MARCHF1: variants seen among roughly 807,000 people sequenced by gnomAD.
MARCHF1 encodes E3 ubiquitin-protein ligase MARCHF1.
A neutral mutation model predicts 54.2 loss-of-function variants in MARCHF1; 40 were observed. The ratio of observed to expected loss-of-function variants is 0.74; its 90% CI spans 0.57 to 0.96. MARCHF1 has a LOEUF of 0.96. Among genes scored for constraint, MARCHF1 ranks in the 40% least tolerant of loss-of-function variants. The pLI, the probability that MARCHF1 is intolerant of heterozygous loss-of-function variation, is 0.00. For synonymous variants in MARCHF1, 236 were observed against 236.3 expected (o/e 1.00, Z 0.01); for missense variants, 586 against 656.5 (o/e 0.89, Z 1.17).
chr4:163,582,108 A>T (rs1379401961), intron 8 of MARCHF1, among the ~76,000 whole-genome samples: 1 of 152,190 alleles, frequency 6.6e-6, no homozygotes, highest in Non-Finnish European at 1.5e-5. Flanking sequence ...AACTCCATGC[A>T]ATTCTTCAGC....
At chr4:164,281,468 T>C (rs1353459710) in intron 1 of MARCHF1, among the ~76,000 whole-genome samples, 3 of 152,112 alleles carry the variant, frequency 2.0e-5, no homozygotes, top group Non-Finnish European at 4.4e-5. Context: ...GGGGGGCTGA[T>C]GTTAGTTAAA....
chr4:163,546,111 C>A (rs1738897525), intron 8 of MARCHF1, among the ~76,000 whole-genome samples: 1 of 151,954 alleles, frequency 6.6e-6, no homozygotes, highest in Non-Finnish European at 1.5e-5. Flanking sequence ...GTAGCTGGGA[C>A]TATGGGTATG....
chr4:163,727,611 TA>T (rs1208481599), intron 4 of MARCHF1, among the ~76,000 whole-genome samples: 1 of 127,248 alleles, frequency 7.9e-6, no homozygotes, highest in Non-Finnish European at 1.8e-5. Context: ...GGCCCTAAAT[TA>T]ATTTTTTTTT....
chr4:164,110,966 C>T (rs1336896741), intron 2 of MARCHF1, among the ~76,000 whole-genome samples: 1 of 151,672 alleles, frequency 6.6e-6, no homozygotes, highest in African/African-American at 2.4e-5. Flanking sequence ...AATTTAATGT[C>T]GTTCTTGATT....
chr4:164,136,370 A>G (rs1756403105), intron 1 of MARCHF1, among the ~76,000 whole-genome samples: 1 of 151,878 alleles, frequency 6.6e-6, no homozygotes, highest in South Asian at 2.1e-4. Flanking sequence ...GGGCCCAGCT[A>G]AGTGCCAACA....
intron 1 of MARCHF1, among the ~76,000 whole-genome samples, chr4:164,322,683 A>C (rs374086015): frequency 6.6e-6 from 1 of 152,080 alleles, no homozygotes; most frequent in Non-Finnish European, 1.5e-5. Flanking sequence ...CATGCATCCC[A>C]TAAGTATATA....
intron 1 of MARCHF1, among the ~76,000 whole-genome samples, chr4:164,378,692 A>T (rs2110981265): frequency 6.6e-6 from 1 of 152,254 alleles, no homozygotes; most frequent in East Asian, 1.9e-4. Flanking sequence ...GGATGTATAG[A>T]TCATCTGGAG....
At position 163,618,461 on chromosome 4, in the gene MARCHF1, G is replaced by C. The variant is rs113088352; in HGVS notation, c.163-5068C>G. The stretch of plus-strand genomic sequence containing the variant: ...TTCTGAGGTAACTTCCAGAGTTTCT[G>C]AAAGGTCTCAAGCTGGATGCAGGCC... On this transcript the variant is annotated intron_variant, in intron 5 of 9. Transcript: ENST00000514618. Among the ~76,000 whole-genome samples, 61 of 152,284 alleles carry C rather than the reference G, an allele frequency of 4.0e-4. 1 individual carries two copies. The highest frequency in any genetic ancestry group is 1.4e-3 in the African/African-American group (59 of 41,580).
chr4:164,063,125 A>C (rs1754655997), intron 2 of MARCHF1, among the ~76,000 whole-genome samples: 1 of 152,200 alleles, frequency 6.6e-6, no homozygotes, highest in Non-Finnish European at 1.5e-5. Flanking sequence ...ACACAGGCAG[A>C]GTATACTTTG....
At chr4:163,972,889 T>C (rs890177007) in intron 3 of MARCHF1, among the ~76,000 whole-genome samples, 3 of 152,122 alleles carry the variant, frequency 2.0e-5, no homozygotes, top group African/African-American at 4.8e-5. Context: ...CTATTAGTTA[T>C]AGAAATCTAA....
At chr4:164,332,962 T>C (rs1476003451) in intron 1 of MARCHF1, among the ~76,000 whole-genome samples, 1 of 152,056 alleles carries the variant, frequency 6.6e-6, no homozygotes, top group African/African-American at 2.4e-5. Context: ...ATTGCTAAAT[T>C]TTAGGGAATA....
chr4:163,957,471 T>C (rs1316216982), intron 3 of MARCHF1, among the ~76,000 whole-genome samples: 2 of 152,048 alleles, frequency 1.3e-5, no homozygotes, highest in African/African-American at 4.8e-5. Flanking sequence ...TGTTTTGCTG[T>C]CAAAAGCTTA....
chr4:164,022,044 C>T (rs1332838602), intron 2 of MARCHF1, among the ~76,000 whole-genome samples: 2 of 151,898 alleles, frequency 1.3e-5, no homozygotes, highest in African/African-American at 4.8e-5. Flanking sequence ...TTATTCCCTC[C>T]TATTCTTTGT....
chr4:164,334,416 A>C (rs1729673311), intron 1 of MARCHF1, among the ~76,000 whole-genome samples: 1 of 152,164 alleles, frequency 6.6e-6, no homozygotes, highest in African/African-American at 2.4e-5. Flanking sequence ...TACTAAATCT[A>C]ATCTTCCTAT....
Position 163,726,465 on chromosome 4 carries a change from T to C in MARCHF1, c.112-25602A>G, listed in dbSNP as rs143388459. ...CTCACCAGATCTTTTTTTAGGTCCT[T>C]AATATTCCATTGTCTGGATATTCCA... On this transcript the variant is annotated intron_variant, in intron 4 of 9. Coordinates refer to ENST00000514618, the MANE Select transcript of MARCHF1 (RefSeq NM_001394959.1). Among the ~76,000 whole-genome samples, 811 of 152,342 alleles carry C rather than the reference T, an allele frequency of 5.3e-3. 8 individuals carry two copies. The highest frequency in any genetic ancestry group is 8.2e-3 in the Non-Finnish European group (556 of 68,026).
intron 5 of MARCHF1, among the ~76,000 whole-genome samples, chr4:163,621,221 ACTCAATGGTATT>A (rs1741686537): frequency 6.6e-6 from 1 of 152,130 alleles, no homozygotes; most frequent in African/African-American, 2.4e-5. Context: ...CCACACATGA[ACTCAATGGTATT>A]CTCCTGTTCA....
intron 5 of MARCHF1, among the ~76,000 whole-genome samples, chr4:163,631,467 A>G (rs2110992962): frequency 6.6e-6 from 1 of 152,322 alleles, no homozygotes; most frequent in East Asian, 1.9e-4. Flanking sequence ...TGCTGGCATT[A>G]CAGGTATGAG....
chr4:164,076,070 C>A (rs1754972219), intron 2 of MARCHF1, among the ~76,000 whole-genome samples: 1 of 151,868 alleles, frequency 6.6e-6, no homozygotes, highest in Non-Finnish European at 1.5e-5. Flanking sequence ...AGTGCTTGGT[C>A]AAATTTCTGT....
intron 4 of MARCHF1, among the ~76,000 whole-genome samples, chr4:163,777,451 T>C (rs898777543): frequency 1.3e-5 from 2 of 152,158 alleles, no homozygotes; most frequent in African/African-American, 4.8e-5. Context: ...CTTCAGGACT[T>C]CTATTATAAG....
Sources: allele counts gnomAD v4.1 joint callset (sites outside exome capture counted in the v4.1 genomes callset), GRCh38; gene constraint gnomAD v4.1.1; transcripts MANE v1.5; gene names NCBI Gene and HGNC (gene_info 2026-07-23, HGNC 2026-07-21).